RBL1: variants seen among roughly 807,000 people sequenced by gnomAD.
The protein encoded by RBL1 is RB transcriptional corepressor like 1, also known as retinoblastoma-like protein 1.
A neutral mutation model predicts 123.0 loss-of-function variants in RBL1; 82 were observed. That is an observed-to-expected ratio of 0.67 (90% CI 0.56 to 0.80). The LOEUF (loss-of-function observed/expected upper bound fraction) is 0.80. RBL1 is among the 30% of genes least tolerant of loss of function. RBL1 has a pLI of 0.00. For synonymous variants in RBL1, 405 were observed against 441.3 expected, an observed-to-expected ratio of 0.92 and a Z score of 1.03; for missense variants, 1,171 against 1,299.6, an observed-to-expected ratio of 0.90 and a Z score of 1.52.
intron 1 of RBL1, among the ~76,000 whole-genome samples, chr20:37,089,701 A>T (rs1399654369): frequency 6.6e-6 from 1 of 152,056 alleles, no homozygotes; most frequent in Admixed American, 6.6e-5. Context: ...CTACACTCCA[A>T]ATCTAATACA....
chr20:37,009,322 AC>A (rs1213933079), intron 19 of RBL1, among the ~76,000 whole-genome samples: 1 of 149,790 alleles, frequency 6.7e-6, no homozygotes, highest in Non-Finnish European at 1.5e-5. Flanking sequence ...CTGCGCCTGG[AC>A]CCCCCAAAAC....
chr20:37,095,131 C>T (rs1398879772), intron 1 of RBL1, among the ~76,000 whole-genome samples: 1 of 152,234 alleles, frequency 6.6e-6, no homozygotes, highest in East Asian at 1.9e-4. Flanking sequence ...GACACTGATG[C>T]AAAGCATCAG....
At chr20:37,046,249 T>G (rs2064817411) in intron 12 of RBL1, among the ~76,000 whole-genome samples, 1 of 152,208 alleles carries the variant, frequency 6.6e-6, no homozygotes, top group Admixed American at 6.5e-5. Context: ...TTCTTCATCA[T>G]GCATTTGTTT....
intron 15 of RBL1, among the ~76,000 whole-genome samples, chr20:37,034,595 G>A (rs984250949): frequency 6.6e-6 from 1 of 151,964 alleles, no homozygotes; most frequent in African/African-American, 2.4e-5. Flanking sequence ...GAGGTGGGAC[G>A]ATCACTTGAG....
At chr20:37,082,614 T>C (rs946749254) in intron 2 of RBL1, among the ~76,000 whole-genome samples, 2 of 152,162 alleles carry the variant, frequency 1.3e-5, no homozygotes, top group South Asian at 2.1e-4. Flanking sequence ...GTATTGAACA[T>C]GTACCAACTT....
intron 2 of RBL1, among the ~76,000 whole-genome samples, chr20:37,077,705 A>G (rs1439258891): frequency 6.6e-6 from 1 of 151,954 alleles, no homozygotes; most frequent in African/African-American, 2.4e-5. Context: ...TGCAATATAC[A>G]TATAATTTTT....
rs75547039 is a variant in RBL1, at chr20:37,068,640, G to A, written c.291-454C>T. Among the ~76,000 whole-genome samples, 11 of 152,194 alleles carry A rather than the reference G, an allele frequency of 7.2e-5. No individual in the cohort carries two copies. The South Asian group carries it at 2.1e-3, about 29-fold the overall frequency. ...TAGAGTTTACTGCTATGGAGGGAGCGAGAGCACCTATCTACTTCCTTTATT... is the reference window on the plus strand; with the variant it reads ...TAGAGTTTACTGCTATGGAGGGAGCAAGAGCACCTATCTACTTCCTTTATT... On this transcript the variant is annotated intron_variant, in intron 2 of 21. Transcript: ENST00000373664.
At chr20:37,093,550 C>T (rs1364107110) in intron 1 of RBL1, among the ~76,000 whole-genome samples, 2 of 152,048 alleles carry the variant, frequency 1.3e-5, no homozygotes, top group Admixed American at 6.6e-5. Context: ...GAAGCAGGAA[C>T]ATCACTTGAG....
chr20:37,056,402 T>C (rs561963785), intron 9 of RBL1, 144 bp from the exon 10 acceptor site: 2 of 1,282,970 alleles, frequency 1.6e-6, no homozygotes, highest in African/African-American at 3.2e-5. Context: ...TAACCCAGGC[T>C]GGAGTGCAGT....
chr20:37,032,908 G>A (rs372736822), intron 15 of RBL1, 32 bp from the exon 16 acceptor site: 264 of 1,610,002 alleles, frequency 1.6e-4, no homozygotes, highest in Non-Finnish European at 2.1e-4. Flanking sequence ...GAAATAATCT[G>A]CATATGTTCT....
At chr20:37,000,608 CG>C (rs1490068470) in intron 21 of RBL1, among the ~76,000 whole-genome samples, 1 of 142,946 alleles carries the variant, frequency 7.0e-6, no homozygotes, top group Non-Finnish European at 1.5e-5. Context: ...GGGTCAGCCC[CG>C]GGCCCGGCCA....
chr20:37,022,835 G>C lies in RBL1; in HGVS notation c.2383-9C>G, dbSNP rs2064365388. 4 of 1,596,258 alleles carry C rather than the reference G, an allele frequency of 2.5e-6. 1 individual carries two copies. The East Asian group carries it at 6.7e-5, about 27-fold the overall frequency. On this transcript the variant is annotated splice_polypyrimidine_tract_variant and intron_variant, in intron 16 of 21. Coordinates refer to ENST00000373664, the MANE Select transcript of RBL1 (RefSeq NM_002895.5). Reference sequence around the variant, plus strand: ...CTTGCCAAATGATAGACCTAAAATAGAAGGTAACACATTGATGCAAAACAC... The same window carrying C: ...CTTGCCAAATGATAGACCTAAAATACAAGGTAACACATTGATGCAAAACAC...
At chr20:37,000,780 GC>G (rs2063961388) in intron 21 of RBL1, among the ~76,000 whole-genome samples, 1 of 130,838 alleles carries the variant, frequency 7.6e-6, no homozygotes, top group African/African-American at 2.9e-5. Context: ...GGGGGGGTCA[GC>G]CCCCCGCCCG....
chr20:37,039,046 A>C (rs1407071686), intron 14 of RBL1, among the ~76,000 whole-genome samples: 4 of 152,214 alleles, frequency 2.6e-5, no homozygotes, highest in African/African-American at 9.6e-5. Context: ...TTGTTAAGGG[A>C]TACTATGTGG....
intron 13 of RBL1, among the ~76,000 whole-genome samples, chr20:37,043,455 C>G (rs2064767101): frequency 6.6e-6 from 1 of 151,306 alleles, no homozygotes; most frequent in African/African-American, 2.4e-5. Flanking sequence ...TGTGCCACTG[C>G]TCTCCAGCCT....
At chr20:37,007,346 A>G in intron 20 of RBL1, 65 bp downstream of exon 20, 1 of 1,535,972 alleles carries the variant, frequency 6.5e-7, no homozygotes, top group Non-Finnish European at 8.9e-7. Flanking sequence ...TATCTAGCAA[A>G]ATAAACTTAT....
chr20:36,997,537 A>AT lies in RBL1; in HGVS notation c.*1221dup, dbSNP rs2063901522. 6.6e-6 allele frequency: 1 copy of AT among 152,198 alleles called. No individual in the cohort carries two copies. The highest frequency in any genetic ancestry group is 2.4e-5 in the African/African-American group (1 of 41,460). The allele number at this position is 152,198 out of a possible 1,614,324, so 9.4% of individuals were successfully genotyped here. On this transcript the variant is annotated 3_prime_UTR_variant, in exon 22 of 22. Coordinates refer to ENST00000373664, the MANE Select transcript of RBL1 (RefSeq NM_002895.5). The stretch of plus-strand genomic sequence containing the variant: ...TGAGGCATGAGATGATATTTATGTG[A>AT]TTTTTAAAAGGTTTAAAATATTCTT...
chr20:37,071,775 C>T (rs1288208482), intron 2 of RBL1, among the ~76,000 whole-genome samples: 1 of 152,170 alleles, frequency 6.6e-6, no homozygotes, highest in African/African-American at 2.4e-5. Context: ...TTAGTTGTCA[C>T]TCACCTGAGA....
chr20:37,016,021 GTTTT>G (rs1205524942), intron 19 of RBL1, among the ~76,000 whole-genome samples: 3 of 112,508 alleles, frequency 2.7e-5, no homozygotes, highest in South Asian at 3.1e-4. Context: ...GTGCCCAGCG[GTTTT>G]TTTTTTTTTT....
Sources: allele counts gnomAD v4.1 joint callset (sites outside exome capture counted in the v4.1 genomes callset), GRCh38; gene constraint gnomAD v4.1.1; transcripts MANE v1.5; gene names NCBI Gene and HGNC (gene_info 2026-07-23, HGNC 2026-07-21).